The following CYP7B1 variants were observed in gnomAD, a reference collection of about 807,000 sequenced individuals.
CYP7B1 encodes cytochrome P450 family 7 subfamily B member 1, also known as cytochrome P450 7B1.
CYP7B1 carries 29 observed loss-of-function variants against 42.7 expected under a neutral mutation model. The observed-to-expected ratio is 0.68, with a 90% CI of 0.51 to 0.93. CYP7B1 has a LOEUF of 0.93. Ranked by LOEUF, CYP7B1 falls within the 40% of genes least tolerant of loss-of-function variation. The pLI is 0.00. For synonymous variants in CYP7B1, 235 were observed against 218.2 expected (o/e 1.08, Z -0.68); for missense variants, 655 against 600.5 (o/e 1.09, Z -0.95).
At chr8:64,597,213 A>G (rs1307275993) in intron 5 of CYP7B1, among the ~76,000 whole-genome samples, 1 of 152,166 alleles carries the variant, frequency 6.6e-6, no homozygotes, top group Non-Finnish European at 1.5e-5. Flanking sequence ...GAGTGGCAAC[A>G]TCACTATTTT....
At chr8:64,769,248 A>T (rs551939244) in intron 1 of CYP7B1, among the ~76,000 whole-genome samples, 3 of 152,214 alleles carry the variant, frequency 2.0e-5, no homozygotes, top group African/African-American at 7.2e-5. Context: ...TGCCTTGATG[A>T]AAACATCATA....
chr8:64,703,216 C>G (rs1159569027), intron 1 of CYP7B1, among the ~76,000 whole-genome samples: 1 of 151,862 alleles, frequency 6.6e-6, no homozygotes, highest in Non-Finnish European at 1.5e-5. Context: ...TGTTCCAAAA[C>G]AGAAGGTAAG....
chr8:64,702,252 G>A (rs1806928086), intron 1 of CYP7B1, among the ~76,000 whole-genome samples: 1 of 152,002 alleles, frequency 6.6e-6, no homozygotes, highest in African/African-American at 2.4e-5. Context: ...CACTTCTAGA[G>A]GGTAAAAACA....
intron 1 of CYP7B1, among the ~76,000 whole-genome samples, chr8:64,697,246 G>A (rs917969571): frequency 3.9e-5 from 6 of 152,110 alleles, no homozygotes; most frequent in African/African-American, 1.4e-4. Context: ...ATTTGATTTG[G>A]ACTAGAACTA....
At chr8:64,745,873 C>T (rs1807636451) in intron 1 of CYP7B1, among the ~76,000 whole-genome samples, 1 of 152,140 alleles carries the variant, frequency 6.6e-6, no homozygotes, top group African/African-American at 2.4e-5. Flanking sequence ...AAACAATGGG[C>T]TGGTTCATCA....
intron 1 of CYP7B1, among the ~76,000 whole-genome samples, chr8:64,742,687 T>G (rs1256437447): frequency 1.3e-5 from 2 of 152,168 alleles, no homozygotes; most frequent in African/African-American, 4.8e-5. Context: ...GCTCCTTGGC[T>G]TGTCTTCTCA....
At chr8:64,711,255 G>C (rs1396672048) in intron 1 of CYP7B1, among the ~76,000 whole-genome samples, 1 of 152,192 alleles carries the variant, frequency 6.6e-6, no homozygotes, top group African/African-American at 2.4e-5. Flanking sequence ...ACAACTTCTA[G>C]ACTAGCAGAA....
intron 1 of CYP7B1, among the ~76,000 whole-genome samples, chr8:64,734,151 A>G (rs1230213072): frequency 1.3e-5 from 2 of 152,202 alleles, no homozygotes; most frequent in African/African-American, 4.8e-5. Flanking sequence ...TGCTTTACAA[A>G]TAATAACACA....
At position 64,624,510 on chromosome 8, in the gene CYP7B1, C is replaced by T. The variant is rs1441029992; in HGVS notation, c.152G>A (p.Gly51Asp). The part of the protein sequence containing the change: ...RRPGEPPLIK[G>D]WLPYLGVVLN... The stretch of plus-strand genomic sequence containing the variant: ...GACCACTCCAAGATAAGGAAGCCAA[C>T]CTTTTATCAATGGAGGCTCACCGGG... The change falls in exon 2 of 6, where the codon GGT becomes GAT. Residue 51 changes from glycine (G) to aspartate (D), a missense_variant. Coordinates refer to ENST00000310193, the MANE Select transcript of CYP7B1 (RefSeq NM_004820.5). 6.2e-7 allele frequency: 1 copy of T among 1,612,890 alleles called. No homozygotes were observed. The highest frequency in any genetic ancestry group is 8.5e-7 in the Non-Finnish European group (1 of 1,179,752).
intron 1 of CYP7B1, among the ~76,000 whole-genome samples, chr8:64,740,826 C>A (rs1438140158): frequency 6.6e-6 from 1 of 152,050 alleles, no homozygotes; most frequent in Non-Finnish European, 1.5e-5. Flanking sequence ...TTTGAATAGG[C>A]CTATATCTAT....
rs75468286 is a variant in CYP7B1, at chr8:64,591,690, G to A, written c.*4952C>T. The stretch of plus-strand genomic sequence containing the variant: ...GGAGATGAAGTAAGGAAGTATGCCA[G>A]GAAAGCCAAAACAAGGCAGATAAAA... On this transcript the variant is annotated 3_prime_UTR_variant, in exon 6 of 6. Coordinates refer to ENST00000310193, the MANE Select transcript of CYP7B1 (RefSeq NM_004820.5). Among the ~76,000 whole-genome samples, 5,907 of 152,252 alleles carry A rather than the reference G, an allele frequency of 0.039. 351 individuals are homozygous for A. The highest frequency in any genetic ancestry group is 0.13 in the African/African-American group (5,385 of 41,508).
intron 1 of CYP7B1, among the ~76,000 whole-genome samples, chr8:64,648,942 C>T (rs1805995027): frequency 6.6e-6 from 1 of 152,282 alleles, no homozygotes; most frequent in Admixed American, 6.5e-5. Flanking sequence ...TTAGCATCAT[C>T]CTTACCCACA....
intron 1 of CYP7B1, among the ~76,000 whole-genome samples, chr8:64,730,441 A>G (rs1365072965): frequency 1.3e-5 from 2 of 152,072 alleles, no homozygotes; most frequent in African/African-American, 4.8e-5. Flanking sequence ...TCACTGAGAG[A>G]CAAGAAGGCA....
At chr8:64,764,229 G>GCCCCCCCCCCCCCCC (rs59605103) in intron 1 of CYP7B1, among the ~76,000 whole-genome samples, 12 of 125,150 alleles carry the variant, frequency 9.6e-5, no homozygotes, top group East Asian at 2.4e-4. Context: ...CTTCCACGCT[G>GCCCCCCCCCCCCCCC]CCCCCCCCAC....
intron 1 of CYP7B1, among the ~76,000 whole-genome samples, chr8:64,690,206 G>A (rs529400589): frequency 3.3e-5 from 5 of 152,004 alleles, no homozygotes; most frequent in Non-Finnish European, 5.9e-5. Flanking sequence ...AGACCAACCC[G>A]GGCAACATAG....
chr8:64,720,677 A>C (rs1046269141), intron 1 of CYP7B1, among the ~76,000 whole-genome samples: 1 of 152,196 alleles, frequency 6.6e-6, no homozygotes, highest in Non-Finnish European at 1.5e-5. Flanking sequence ...TTGAGACCTA[A>C]ATGTATATAC....
At chr8:64,789,750 C>G (rs1002541973) in intron 1 of CYP7B1, among the ~76,000 whole-genome samples, 4 of 152,206 alleles carry the variant, frequency 2.6e-5, no homozygotes, top group African/African-American at 9.7e-5. Flanking sequence ...GTTGAGAAAC[C>G]CTACTTCAAT....
At chr8:64,741,496 T>A (rs1417955494) in intron 1 of CYP7B1, among the ~76,000 whole-genome samples, 2 of 152,136 alleles carry the variant, frequency 1.3e-5, no homozygotes, top group Non-Finnish European at 2.9e-5. Flanking sequence ...ATTTTGCATT[T>A]TTAGTAGAGA....
At chr8:64,771,012 A>G (rs1388121671) in intron 1 of CYP7B1, among the ~76,000 whole-genome samples, 1 of 143,300 alleles carries the variant, frequency 7.0e-6, no homozygotes, top group African/African-American at 2.6e-5. Flanking sequence ...ATCTTCACTA[A>G]TTGAATCAGA....
Sources: gnomAD v4.1 joint callset for allele counts (sites outside exome capture counted in the v4.1 genomes callset) on GRCh38, gnomAD v4.1.1 for gene constraint, MANE v1.5 for transcripts, NCBI Gene and HGNC (gene_info 2026-07-23, HGNC 2026-07-21) for gene names.